The following DCLK1 variants were observed in gnomAD, a reference collection of about 807,000 sequenced individuals.
DCLK1 encodes the protein doublecortin like kinase 1.
In DCLK1, 16 loss-of-function variants were observed where a neutral mutation model predicts 86.2. That is an observed-to-expected ratio of 0.19 (90% CI 0.13 to 0.28). The LOEUF (loss-of-function observed/expected upper bound fraction) is 0.28. Ranked by LOEUF, DCLK1 falls within the 10% of genes least tolerant of loss-of-function variation. The probability of loss-of-function intolerance (pLI) is 1.00; values close to 1 mark genes in which losing one functional copy is unlikely to be tolerated. For missense variants in DCLK1, 590 were observed against 940.2 expected (o/e 0.63, Z 4.87); for synonymous variants, 369 against 370.5 (o/e 1.00, Z 0.05).
intron 3 of DCLK1, among the ~76,000 whole-genome samples, chr13:35,987,496 C>A (rs1442524321): frequency 6.6e-6 from 1 of 152,176 alleles, no homozygotes. Context: ...TTAAAACGAC[C>A]CTTAGGGGGT....
intron 6 of DCLK1, chr13:35,850,915 G>C (rs1870577579): frequency 3.0e-6 from 2 of 672,178 alleles, no homozygotes; most frequent in South Asian, 1.1e-4. Flanking sequence ...TGGATTAGGA[G>C]GAAAGATAAT....
intron 4 of DCLK1, among the ~76,000 whole-genome samples, chr13:35,926,589 G>A (rs1366766182): frequency 6.6e-6 from 1 of 152,186 alleles, no homozygotes; most frequent in African/African-American, 2.4e-5. Flanking sequence ...ATAAATGTTT[G>A]TTAAATAGTT....
At chr13:35,817,825 C>A (rs141888720) in intron 11 of DCLK1, among the ~76,000 whole-genome samples, 6 of 152,296 alleles carry the variant, frequency 3.9e-5, no homozygotes, top group Non-Finnish European at 8.8e-5. Context: ...AACGAACAGC[C>A]TTCTCCAGGT....
intron 5 of DCLK1, among the ~76,000 whole-genome samples, chr13:35,865,515 C>G (rs571125535): frequency 3.3e-5 from 5 of 152,160 alleles, no homozygotes; most frequent in Non-Finnish European, 7.4e-5. Context: ...TTTGCTAGCT[C>G]TGTTTGCCTT....
intron 3 of DCLK1, among the ~76,000 whole-genome samples, chr13:36,013,360 T>C (rs1277947107): frequency 1.3e-5 from 2 of 151,630 alleles, no homozygotes; most frequent in South Asian, 4.2e-4. Flanking sequence ...TTTGTGGTTT[T>C]ATCTACTTTT....
intron 3 of DCLK1, among the ~76,000 whole-genome samples, chr13:35,958,717 T>G (rs1878285042): frequency 6.6e-6 from 1 of 152,210 alleles, no homozygotes; most frequent in Non-Finnish European, 1.5e-5. Context: ...CAAAACACAG[T>G]GATATTCAGT....
chr13:35,805,561 A>C, intron 15 of DCLK1, 138 bp downstream of exon 15: 3 of 801,906 alleles, frequency 3.7e-6, no homozygotes, highest in Non-Finnish European at 5.8e-6. Context: ...GGCCTCCCAA[A>C]GGGCTGAGAT....
chr13:36,107,628 G>A (rs572552927), intron 3 of DCLK1, among the ~76,000 whole-genome samples: 1 of 152,110 alleles, frequency 6.6e-6, no homozygotes, highest in South Asian at 2.1e-4. Flanking sequence ...CAGTGGGAAG[G>A]GGATCATTGG....
At chr13:35,980,402 C>T (rs1014282102) in intron 3 of DCLK1, among the ~76,000 whole-genome samples, 1 of 152,090 alleles carries the variant, frequency 6.6e-6, no homozygotes, top group South Asian at 2.1e-4. Context: ...TTGCAGTGAG[C>T]AGAGATCGAC....
chr13:35,856,693 T>A (rs1184187113), intron 5 of DCLK1, among the ~76,000 whole-genome samples: 3 of 152,252 alleles, frequency 2.0e-5, no homozygotes, highest in African/African-American at 7.2e-5. Flanking sequence ...CCATTGTATG[T>A]GTATTTTTAA....
At chr13:36,124,038 T>C (rs540191865) in intron 2 of DCLK1, among the ~76,000 whole-genome samples, 2 of 152,224 alleles carry the variant, frequency 1.3e-5, no homozygotes, top group East Asian at 3.9e-4. Context: ...CCCCCATAGA[T>C]GCTACACAAG....
chr13:35,828,750 C>T (rs944175874), intron 8 of DCLK1, among the ~76,000 whole-genome samples: 4 of 152,142 alleles, frequency 2.6e-5, no homozygotes, highest in African/African-American at 9.7e-5. Context: ...CCCTTCCCTC[C>T]GAAGTGATGT....
intron 3 of DCLK1, among the ~76,000 whole-genome samples, chr13:36,052,321 C>A (rs1883149572): frequency 6.6e-6 from 1 of 152,052 alleles, no homozygotes; most frequent in African/African-American, 2.4e-5. Context: ...TTAGCAATGA[C>A]AAGATCATTA....
chr13:36,023,866 G>A (rs1263307473), intron 3 of DCLK1, among the ~76,000 whole-genome samples: 2 of 150,342 alleles, frequency 1.3e-5, no homozygotes, highest in African/African-American at 2.4e-5. Context: ...GGAACACGAT[G>A]AAGATGTCTG....
At chr13:35,945,051 C>A (rs534833982) in intron 4 of DCLK1, among the ~76,000 whole-genome samples, 10 of 152,176 alleles carry the variant, frequency 6.6e-5, no homozygotes, top group African/African-American at 2.2e-4. Context: ...CAGGCATGCA[C>A]CACCATGCCT....
chr13:36,032,196 C>CAATGAA (rs1882310568), intron 3 of DCLK1, among the ~76,000 whole-genome samples: 1 of 150,876 alleles, frequency 6.6e-6, no homozygotes. Flanking sequence ...GGCAGGAGTG[C>CAATGAA]AATGGCATGA....
At chr13:36,068,077 C>A (rs1443400723) in intron 3 of DCLK1, among the ~76,000 whole-genome samples, 3 of 152,140 alleles carry the variant, frequency 2.0e-5, no homozygotes, top group Non-Finnish European at 4.4e-5. Context: ...TATGACCACA[C>A]CGATTAATAT....
chr13:35,979,266 A>C (rs1276726054), intron 3 of DCLK1, among the ~76,000 whole-genome samples: 1 of 152,158 alleles, frequency 6.6e-6, no homozygotes, highest in Non-Finnish European at 1.5e-5. Context: ...TAAAAGTAAA[A>C]GAATACAGCC....
rs572687901 is a variant in DCLK1, at chr13:35,793,737, T to A, written c.1945-258A>T. On this transcript the variant is annotated intron_variant, in intron 15 of 16. Transcript: ENST00000360631. ...TTTGTCTCTAAATTAAAAAAAAAAA[T>A]TTCTGTTTTTGGTTTCTAATAAAAT... Among the ~76,000 whole-genome samples, 131 of 151,506 alleles carry A rather than the reference T, an allele frequency of 8.6e-4. 2 individuals are homozygous for A. Among genetic ancestry groups the A allele is most frequent in the Middle Eastern group, 3.4e-3 (1 of 294 alleles).
Sources: allele counts gnomAD v4.1 joint callset (sites outside exome capture counted in the v4.1 genomes callset), GRCh38; gene constraint gnomAD v4.1.1; transcripts MANE v1.5; gene names NCBI Gene and HGNC (gene_info 2026-07-23, HGNC 2026-07-21).